ABCC1: variants seen among roughly 807,000 people sequenced by gnomAD.
ABCC1 encodes the protein multidrug resistance-associated protein 1.
Under a neutral mutation model 172.9 loss-of-function variants are expected in ABCC1, and 83 were observed. The ratio of observed to expected loss-of-function variants is 0.48; its 90% CI spans 0.40 to 0.58. ABCC1 has a LOEUF of 0.58. Among genes scored for constraint, ABCC1 ranks in the 20% least tolerant of loss-of-function variants. The pLI, the probability that ABCC1 is intolerant of heterozygous loss-of-function variation, is 0.00. For missense variants in ABCC1, 1,817 were observed against 2,002.7 expected, an observed-to-expected ratio of 0.91 and a Z score of 1.77; for synonymous variants, 937 against 825.2, an observed-to-expected ratio of 1.14 and a Z score of -2.32.
chr16:16,139,226 C>T (rs930643901), intron 30 of ABCC1, among the ~76,000 whole-genome samples: 2 of 152,146 alleles, frequency 1.3e-5, no homozygotes, highest in Admixed American at 6.5e-5. Flanking sequence ...GCCAAGGAGA[C>T]GGGATAGCGA....
chr16:16,047,626 C>T (rs1021471521), intron 9 of ABCC1, among the ~76,000 whole-genome samples: 1 of 152,120 alleles, frequency 6.6e-6, no homozygotes, highest in African/African-American at 2.4e-5. Context: ...GCTGCTAAAA[C>T]TCCTACAGTG....
At chr16:15,986,863 C>A (rs1171577708) in intron 1 of ABCC1, among the ~76,000 whole-genome samples, 1 of 152,150 alleles carries the variant, frequency 6.6e-6, no homozygotes, top group African/African-American at 2.4e-5. Flanking sequence ...CACAATCAAT[C>A]ATTTGGTTAG....
chr16:16,043,651 G>A (rs940506669), intron 7 of ABCC1, among the ~76,000 whole-genome samples: 1 of 151,260 alleles, frequency 6.6e-6, no homozygotes, highest in Non-Finnish European at 1.5e-5. Context: ...ACCCAGGCTG[G>A]AGTGCAATGG....
intron 23 of ABCC1, 118 bp downstream of exon 23, chr16:16,115,194 A>G: frequency 6.7e-6 from 8 of 1,193,822 alleles, no homozygotes; most frequent in Non-Finnish European, 9.1e-6. Context: ...AAGCATGTAG[A>G]TTTGTTTTTG....
intron 12 of ABCC1, among the ~76,000 whole-genome samples, chr16:16,066,985 T>G (rs1178391206): frequency 6.6e-6 from 1 of 151,894 alleles, no homozygotes; most frequent in Non-Finnish European, 1.5e-5. Context: ...GTGCAGTGGC[T>G]CATGTCTGTA....
chr16:16,105,765 G>A (rs557461941), intron 20 of ABCC1, among the ~76,000 whole-genome samples: 30 of 147,742 alleles, frequency 2.0e-4, no homozygotes, highest in Admixed American at 6.1e-4. Flanking sequence ...AGGCTGGAGT[G>A]CAGTGTGCAG....
intron 24 of ABCC1, among the ~76,000 whole-genome samples, chr16:16,123,970 T>C (rs973488379): frequency 1.1e-4 from 16 of 152,090 alleles, no homozygotes; most frequent in African/African-American, 3.9e-4. Context: ...TGAGCTGTGA[T>C]CATGTCATCC....
At chr16:16,030,451 G>C (rs1288255133) in intron 5 of ABCC1, among the ~76,000 whole-genome samples, 2 of 152,142 alleles carry the variant, frequency 1.3e-5, no homozygotes, top group African/African-American at 2.4e-5. Flanking sequence ...CTTGAACCCA[G>C]GAGGCGGAGT....
chr16:16,107,718 T>C (rs1383907172), intron 21 of ABCC1, among the ~76,000 whole-genome samples: 1 of 152,198 alleles, frequency 6.6e-6, no homozygotes, highest in African/African-American at 2.4e-5. Flanking sequence ...TTTGAGCTCC[T>C]GTTTTATTGT....
chr16:16,106,631 G>A lies in ABCC1; in HGVS notation c.2736-107G>A, dbSNP rs148678550. 2.8e-3 allele frequency: 3,933 copies of A among 1,384,264 alleles called. 18 individuals are homozygous for A. The highest frequency in any genetic ancestry group is 3.4e-3 in the Non-Finnish European group (3,352 of 997,554). 85.7% of individuals were successfully genotyped at this position (1,384,264 alleles called of 1,614,324 possible). On this transcript the variant is annotated intron_variant, in intron 20 of 30. Coordinates refer to ENST00000399410, the MANE Select transcript of ABCC1 (RefSeq NM_004996.4). ...ACATGTGTGCATGTGGAAACACTCC[G>A]TCTCTTATGCCATGGTTCAGACCCA...
At chr16:16,019,511 G>T (rs1298572943) in intron 5 of ABCC1, among the ~76,000 whole-genome samples, 1 of 152,148 alleles carries the variant, frequency 6.6e-6, no homozygotes, top group Non-Finnish European at 1.5e-5. Flanking sequence ...GGGCTGCCTG[G>T]CTGGCGTGGG....
chr16:16,128,020 A>C (rs1258773751), intron 26 of ABCC1, among the ~76,000 whole-genome samples: 3 of 149,764 alleles, frequency 2.0e-5, no homozygotes, highest in Non-Finnish European at 4.4e-5. Context: ...TCCTGGGTTC[A>C]AGTGATTCTC....
In ABCC1 at chr16:15,984,771, C is replaced by A. The variant is rs117636159; in HGVS notation, c.49-23045C>A. Among the ~76,000 whole-genome samples the A allele has an allele frequency of 1.3e-3, 200 of 152,238 alleles. 5 individuals carry two copies. In the East Asian group the frequency reaches 0.036, roughly 27 times the overall value. ...TATATGTATTATATAAACATATGCA[C>A]ACGCATGCATACGTACACACATATA... On this transcript the variant is annotated intron_variant, in intron 1 of 30. Coordinates refer to ENST00000399410, the MANE Select transcript of ABCC1 (RefSeq NM_004996.4).
At chr16:16,131,666 C>A (rs948982232) in intron 26 of ABCC1, 123 bp from the exon 27 acceptor site, 4 of 1,079,672 alleles carry the variant, frequency 3.7e-6, no homozygotes, top group Non-Finnish European at 1.3e-6. Context: ...GGGCAACCCC[C>A]CAGTGCTGAG....
chr16:16,096,905 G>A lies in ABCC1; in HGVS notation c.2645-5722G>A, dbSNP rs1456075185. Among the ~76,000 whole-genome samples the A allele has an allele frequency of 3.5e-5, 3 of 84,824 alleles. No homozygotes were observed. The South Asian group carries it at 1.5e-3, about 43-fold the overall frequency. The allele number at this position is 84,824 out of a possible 152,430, so 55.6% of individuals were successfully genotyped here. On this transcript the variant is annotated intron_variant, in intron 19 of 30. Transcript: ENST00000399410. The stretch of plus-strand genomic sequence containing the variant: ...TGACAGTCACTGAATTACAAGTTTC[G>A]TGTGTTTGCTTTAAAAAAAAAAAGA...
At chr16:16,130,896 G>A (rs2045648881) in intron 26 of ABCC1, among the ~76,000 whole-genome samples, 1 of 152,168 alleles carries the variant, frequency 6.6e-6, no homozygotes, top group African/African-American at 2.4e-5. Flanking sequence ...GTAGAGGTGG[G>A]TGGATCATGA....
At chr16:16,128,572 T>A (rs1475066144) in intron 26 of ABCC1, among the ~76,000 whole-genome samples, 1 of 152,246 alleles carries the variant, frequency 6.6e-6, no homozygotes, top group Non-Finnish European at 1.5e-5. Context: ...TGTATTTGCA[T>A]GTATTTTTAT....
In ABCC1 at chr16:16,037,131, C is replaced by T. The variant is rs542374539; in HGVS notation, c.809+528C>T. Among the ~76,000 whole-genome samples the T allele has an allele frequency of 4.6e-5, 7 of 152,100 alleles. No homozygotes were observed. The South Asian group carries it at 1.5e-3, about 32-fold the overall frequency. ...AAAAAAAAAGAAGAAAAATGTTGTC[C>T]AAACAGGCAGTTGATGCTGTCTGCC... On this transcript the variant is annotated intron_variant, in intron 7 of 30. Coordinates refer to ENST00000399410, the MANE Select transcript of ABCC1 (RefSeq NM_004996.4).
At position 16,059,888 on chromosome 16, in the gene ABCC1, T is replaced by C. The variant is rs371867399; in HGVS notation, c.1677+3593T>C. Among the ~76,000 whole-genome samples the C allele has an allele frequency of 1.3e-3, 197 of 151,622 alleles. 4 individuals carry two copies. The South Asian group carries it at 0.04, about 31-fold the overall frequency. On this transcript the variant is annotated intron_variant, in intron 12 of 30. Coordinates refer to ENST00000399410, the MANE Select transcript of ABCC1 (RefSeq NM_004996.4). ...GAGCATGCTGGTCATCCAAGCTTTT[T>C]GGGAGGCTGAGGTACGGGAATCGTT...
Sources: allele counts gnomAD v4.1 joint callset (sites outside exome capture counted in the v4.1 genomes callset), GRCh38; gene constraint gnomAD v4.1.1; transcripts MANE v1.5; gene names NCBI Gene and HGNC (gene_info 2026-07-23, HGNC 2026-07-21).